The following TRPM3 variants were observed in gnomAD, a reference collection of about 807,000 sequenced individuals.
TRPM3 encodes the protein long transient receptor potential channel 3.
TRPM3 carries 77 observed loss-of-function variants against 181.2 expected under a neutral mutation model. The ratio of observed to expected loss-of-function variants is 0.42; its 90% confidence interval spans 0.35 to 0.51. The LOEUF is 0.51. Among genes scored for constraint, TRPM3 ranks in the 20% least tolerant of loss-of-function variants. The probability of loss-of-function intolerance (pLI) is 0.01; values close to 1 mark genes in which losing one functional copy is unlikely to be tolerated. For missense variants in TRPM3, 1,759 were observed against 2,196.7 expected, an observed-to-expected ratio of 0.80 and a Z score of 3.98; for synonymous variants, 745 against 796.4, an observed-to-expected ratio of 0.94 and a Z score of 1.09.
intron 3 of TRPM3, among the ~76,000 whole-genome samples, chr9:70,850,692 T>C (rs80237550): frequency 0.093 from 14,176 of 152,206 alleles, 1,022 homozygotes; most frequent in African/African-American, 0.2. Context: ...TAGTTAAAAT[T>C]TGGGTGTTCT....
At chr9:70,822,566 T>C (rs1588857255) in intron 6 of TRPM3, among the ~76,000 whole-genome samples, 1 of 151,288 alleles carries the variant, frequency 6.6e-6, no homozygotes, top group Admixed American at 6.6e-5. Context: ...TAATGGGGAG[T>C]TAGTGTTTAA....
chr9:70,556,615 G>C (rs1040267121), intron 22 of TRPM3, among the ~76,000 whole-genome samples: 1 of 152,120 alleles, frequency 6.6e-6, no homozygotes, highest in Non-Finnish European at 1.5e-5. Context: ...ACAGCTACTT[G>C]GGAGGCTGAG....
intron 15 of TRPM3, 93 bp downstream of exon 15, chr9:70,621,151 A>G (rs1446531651): frequency 9.0e-6 from 4 of 446,656 alleles, no homozygotes; most frequent in African/African-American, 4.4e-5. Context: ...TACACTATAT[A>G]TTATTTTATA....
At chr9:71,379,198 T>C (rs1454244363) in intron 1 of TRPM3, among the ~76,000 whole-genome samples, 7 of 152,012 alleles carry the variant, frequency 4.6e-5, no homozygotes, top group Non-Finnish European at 1.0e-4. Context: ...ATATAAACGC[T>C]TAATCTATCT....
chr9:71,140,857 C>G (rs1254820997), intron 1 of TRPM3, among the ~76,000 whole-genome samples: 1 of 152,002 alleles, frequency 6.6e-6, no homozygotes, highest in East Asian at 1.9e-4. Context: ...AAGCAAGGTA[C>G]GATGTTAGCA....
intron 1 of TRPM3, among the ~76,000 whole-genome samples, chr9:71,279,206 G>C (rs1207017521): frequency 1.3e-5 from 2 of 152,032 alleles, no homozygotes; most frequent in African/African-American, 4.8e-5. Context: ...CAGCTACTGA[G>C]CCCAAAATGC....
chr9:71,417,346 G>A (rs893143841), intron 1 of TRPM3, among the ~76,000 whole-genome samples: 1 of 151,958 alleles, frequency 6.6e-6, no homozygotes, highest in East Asian at 1.9e-4. Flanking sequence ...TGGGTGTATA[G>A]TGATATCTCA....
intron 1 of TRPM3, among the ~76,000 whole-genome samples, chr9:71,025,933 TGGTCCCCAGTGACTACTGCAGAAGG>T (rs139543615): frequency 0.047 from 7,088 of 152,266 alleles, 263 homozygotes; most frequent in African/African-American, 0.1. Flanking sequence ...AACTCACTGC[TGGTCCCCAGTGACTACTGCAGAAGG>T]GGTGAGCTGA....
chr9:71,310,085 T>C (rs2132392551), intron 1 of TRPM3, among the ~76,000 whole-genome samples: 1 of 152,170 alleles, frequency 6.6e-6, no homozygotes, highest in South Asian at 2.1e-4. Context: ...AAATGAGATC[T>C]TGGGTAGCCT....
chr9:70,882,610 T>C (rs1348113419), intron 1 of TRPM3, among the ~76,000 whole-genome samples: 2 of 152,136 alleles, frequency 1.3e-5, no homozygotes, highest in Non-Finnish European at 2.9e-5. Flanking sequence ...CTGGAACACA[T>C]TGCCTTCCTG....
At chr9:70,626,751 C>A (rs2064699569) in intron 12 of TRPM3, among the ~76,000 whole-genome samples, 1 of 152,136 alleles carries the variant, frequency 6.6e-6, no homozygotes, top group Non-Finnish European at 1.5e-5. Flanking sequence ...TAATTGCTTT[C>A]AGTCAGAAAT....
rs771894008 is a variant in TRPM3 at position 70,616,090 on chromosome 9, A to G, written c.2359-15T>C. 2 of 1,519,614 alleles carry G rather than the reference A, an allele frequency of 1.3e-6. No homozygotes were observed. Among genetic ancestry groups the G allele is most frequent in the South Asian group, 2.5e-5 (2 of 79,736 alleles). 94.1% of individuals were successfully genotyped at this position (1,519,614 alleles called of 1,614,324 possible). A position where few individuals can be genotyped will look rare whatever the true frequency, so the allele number is the denominator to read the frequency against. On this transcript the variant is annotated splice_polypyrimidine_tract_variant and intron_variant, in intron 17 of 25. Transcript: ENST00000677713. ...CCCAGAATTACCTAAAGTAATAATA[A>G]TGATAATAATAATAATCACATTTAA...
intron 1 of TRPM3, among the ~76,000 whole-genome samples, chr9:70,985,440 T>C (rs888899836): frequency 1.3e-5 from 2 of 152,222 alleles, no homozygotes; most frequent in African/African-American, 4.8e-5. Context: ...TCTGGCAGTA[T>C]TGAGGCTCCA....
chr9:70,931,546 A>G (rs1003003092), intron 1 of TRPM3, among the ~76,000 whole-genome samples: 39 of 152,140 alleles, frequency 2.6e-4, no homozygotes, highest in African/African-American at 9.4e-4. Context: ...TGAATAAAAT[A>G]TTTAATTTAA....
intron 1 of TRPM3, among the ~76,000 whole-genome samples, chr9:70,869,400 A>C (rs2095739253): frequency 6.9e-6 from 1 of 144,128 alleles, no homozygotes; most frequent in Non-Finnish European, 1.5e-5. Context: ...AAGTGTGATA[A>C]GGTGTTCTGA....
At chr9:70,624,028 C>A (rs951350923) in intron 14 of TRPM3, among the ~76,000 whole-genome samples, 1 of 152,088 alleles carries the variant, frequency 6.6e-6, no homozygotes, top group African/African-American at 2.4e-5. Flanking sequence ...TGACAAAATT[C>A]AAACTTTTAA....
At chr9:71,135,876 C>T (rs974198745) in intron 1 of TRPM3, among the ~76,000 whole-genome samples, 3 of 152,084 alleles carry the variant, frequency 2.0e-5, no homozygotes, top group Admixed American at 2.0e-4. Flanking sequence ...AAAATACAAA[C>T]ATTATTTATT....
At chr9:70,754,666 A>G (rs7875157) in intron 8 of TRPM3, among the ~76,000 whole-genome samples, 148,201 of 152,274 alleles carry the variant, frequency 0.97, 72,258 homozygotes, top group East Asian at 1. Flanking sequence ...TGAGAAAGAT[A>G]TCACATCAAC....
chr9:70,775,457 G>C (rs560982664), intron 7 of TRPM3: 7 of 152,332 alleles, frequency 4.6e-5, no homozygotes, highest in Admixed American at 2.0e-4. Context: ...TGTTGAGTGA[G>C]AGCTGGCTCT....
Sources: gnomAD v4.1 joint callset for allele counts (sites outside exome capture counted in the v4.1 genomes callset) on GRCh38, gnomAD v4.1.1 for gene constraint, MANE v1.5 for transcripts, NCBI Gene and HGNC (gene_info 2026-07-23, HGNC 2026-07-21) for gene names.